Variants in FBXO3 observed in about 807,000 individuals in gnomAD.
The protein encoded by FBXO3 is F-box only protein 3.
Under a neutral mutation model 64.8 loss-of-function variants are expected in FBXO3, and 17 were observed. The observed-to-expected ratio is 0.26, with a 90% CI of 0.18 to 0.39. FBXO3 has a LOEUF of 0.39. Ranked by LOEUF, FBXO3 falls within the 10% of genes least tolerant of loss-of-function variation. FBXO3 has a pLI of 1.00. For synonymous variants in FBXO3, 182 were observed against 201.6 expected (o/e 0.90, Z 0.82); for missense variants, 420 against 589.9 (o/e 0.71, Z 2.98).
Position 33,767,224 on chromosome 11 carries a change from C to T in FBXO3, c.358+1627G>A, listed in dbSNP as rs142059943. On this transcript the variant is annotated intron_variant, in intron 3 of 10. Transcript: ENST00000265651. ...CCTTCAGCCAATGTTAAGATCATAG[C>T]CCTGGAGTCTGCTCTATATCCAAAT... 5.1e-3 allele frequency among the ~76,000 whole-genome samples: 772 copies of T among 152,304 alleles called. 4 individuals carry two copies. The highest frequency in any genetic ancestry group is 8.9e-3 in the Non-Finnish European group (607 of 68,018).
In FBXO3 at chr11:33,743,432, TGGGAGGG is replaced by T. The variant is rs2133589506; in HGVS notation, c.1240-1355_1240-1349del. 6.6e-6 allele frequency: 1 copy of T among 152,320 alleles called. No individual in the cohort carries two copies. Among genetic ancestry groups the T allele is most frequent in the African/African-American group, 2.4e-5 (1 of 41,578 alleles). 9.4% of individuals were successfully genotyped at this position (152,320 alleles called of 1,614,324 possible). ...CTCTCTCACACATTTGAAGACGCAATGGGAGGGGCTGCTACATTGAACAGAATTCTGA... is the reference window on the plus strand; with the variant it reads ...CTCTCTCACACATTTGAAGACGCAATGCTGCTACATTGAACAGAATTCTGA... On this transcript the variant is annotated intron_variant, in intron 10 of 10. Coordinates refer to ENST00000265651, the MANE Select transcript of FBXO3 (RefSeq NM_012175.4). This position sits in a 1 kb window ranked among gnomAD's most constrained non-coding sequence, Gnocchi z 4.6.
At chr11:33,756,422 CA>C (rs1367444023) in intron 4 of FBXO3, among the ~76,000 whole-genome samples, 4 of 152,118 alleles carry the variant, frequency 2.6e-5, no homozygotes, top group African/African-American at 4.8e-5. Context: ...TCCAAAGTTT[CA>C]AAAACTTGGA....
chr11:33,753,539 C>T (rs1397369093), intron 6 of FBXO3: 1 of 152,182 alleles, frequency 6.6e-6, no homozygotes, highest in African/African-American at 2.4e-5. Context: ...CCAGAGAGTG[C>T]TTAACTTAGA....
chr11:33,751,392 C>A, intron 7 of FBXO3, 131 bp downstream of exon 7: 1 of 610,284 alleles, frequency 1.6e-6, no homozygotes, highest in Non-Finnish European at 2.8e-6. Context: ...TGAAGACAAT[C>A]TTCTATTATC....
At chr11:33,774,062 G>T in intron 1 of FBXO3, 1 of 292,162 alleles carries the variant, frequency 3.4e-6, no homozygotes, top group Non-Finnish European at 6.6e-6. Context: ...GCGGGCACCT[G>T]CGGGGCCAGC....
Position 33,750,445 on chromosome 11 carries a change from T to C in FBXO3, c.932+94A>G, listed in dbSNP as rs185720233. Reference sequence around the variant, plus strand: ...AACTTCAGCAAGTTCTTTCAAAATGTGTCTTACATATCATGTCAAATGGGA... The same window carrying C: ...AACTTCAGCAAGTTCTTTCAAAATGCGTCTTACATATCATGTCAAATGGGA... On this transcript the variant is annotated intron_variant, in intron 8 of 10. Transcript: ENST00000265651. 26 of 1,404,876 alleles carry C rather than the reference T, an allele frequency of 1.9e-5. 1 individual carries two copies. The Admixed American group carries it at 4.1e-4, about 22-fold the overall frequency. The allele number at this position is 1,404,876 out of a possible 1,614,324, so 87.0% of individuals were successfully genotyped here.
At chr11:33,772,782 C>G (rs965372097) in intron 1 of FBXO3, 2 of 152,126 alleles carry the variant, frequency 1.3e-5, no homozygotes, top group African/African-American at 2.4e-5. Context: ...CAACACTTAA[C>G]AGACTGGCAC....
intron 8 of FBXO3, among the ~76,000 whole-genome samples, chr11:33,749,700 A>G (rs1459218438): frequency 6.6e-5 from 10 of 151,996 alleles, no homozygotes; most frequent in Admixed American, 3.3e-4. Context: ...CAATGCTATC[A>G]CTTTCCCCTT....
chr11:33,757,656 T>TAAAAAAAAAAAGA (rs1855137267), intron 4 of FBXO3, among the ~76,000 whole-genome samples: 1 of 23,980 alleles, frequency 4.2e-5, no homozygotes, highest in Non-Finnish European at 8.0e-5. Context: ...CACCATCTCT[T>TAAAAAAAAAAAGA]AAAAAAAAAA....
intron 6 of FBXO3, 162 bp downstream of exon 6, chr11:33,754,293 T>C (rs1333417403): frequency 3.7e-6 from 2 of 542,726 alleles, no homozygotes; most frequent in Non-Finnish European, 6.4e-6. Context: ...ACGGTTCTAA[T>C]GAAAACCTAG....
At chr11:33,763,700 C>A (rs898250739) in intron 3 of FBXO3, among the ~76,000 whole-genome samples, 2 of 150,772 alleles carry the variant, frequency 1.3e-5, no homozygotes, top group Admixed American at 1.3e-4. Context: ...TTTCCCTCTG[C>A]AATCAGAAAG....
chr11:33,772,070 C>A (rs1378478109), intron 1 of FBXO3: 1 of 152,190 alleles, frequency 6.6e-6, no homozygotes, highest in African/African-American at 2.4e-5. Context: ...TTATTCACTC[C>A]ATTTCAGAAT....
chr11:33,746,943 TAG>T, intron 10 of FBXO3, 185 bp downstream of exon 10: 1 of 1,447,554 alleles, frequency 6.9e-7, no homozygotes. Flanking sequence ...ATTCTCTGGT[TAG>T]AGACTATGGA....
chr11:33,765,177 T>C (rs1389132747), intron 3 of FBXO3, among the ~76,000 whole-genome samples: 1 of 152,174 alleles, frequency 6.6e-6, no homozygotes, highest in African/African-American at 2.4e-5. Flanking sequence ...CCAATGAAGA[T>C]GTTTTAGTTT....
intron 10 of FBXO3, chr11:33,745,492 T>C (rs1031375908): frequency 1.3e-5 from 2 of 152,114 alleles, no homozygotes; most frequent in Non-Finnish European, 2.9e-5. Flanking sequence ...GAGCAAATTC[T>C]CTAACCACAA....
rs1855078194 is a variant in FBXO3, at chr11:33,755,657, T to C, written c.678+114A>G. 3 of 776,240 alleles carry C rather than the reference T, an allele frequency of 3.9e-6. No homozygotes were observed. In the South Asian group the frequency reaches 4.7e-5, roughly 12 times the overall value. 48.1% of individuals were successfully genotyped at this position (776,240 alleles called of 1,614,324 possible). On this transcript the variant is annotated intron_variant, in intron 5 of 10. Coordinates refer to ENST00000265651, the MANE Select transcript of FBXO3 (RefSeq NM_012175.4). Reference sequence around the variant, plus strand: ...AACTCTAGTTAGAGAGGTCTATAACTAAAATGCATAATATTCTATACCCAT... The same window carrying C: ...AACTCTAGTTAGAGAGGTCTATAACCAAAATGCATAATATTCTATACCCAT...
chr11:33,773,081 G>A lies in FBXO3; in HGVS notation c.104+1313C>T, dbSNP rs548266645. On this transcript the variant is annotated intron_variant, in intron 1 of 10. Coordinates refer to ENST00000265651, the MANE Select transcript of FBXO3 (RefSeq NM_012175.4). Reference sequence around the variant, plus strand: ...TGGATGGTGCAAATGTGATAGTGGTGGAGAAATAAGTCCTGGAGGACCTTA... The same window carrying A: ...TGGATGGTGCAAATGTGATAGTGGTAGAGAAATAAGTCCTGGAGGACCTTA... 8.5e-5 allele frequency: 13 copies of A among 152,238 alleles called. No individual in the cohort carries two copies. The East Asian group carries it at 1.3e-3, about 16-fold the overall frequency. The allele number at this position is 152,238 out of a possible 1,614,324, so 9.4% of individuals were successfully genotyped here. A position where few individuals can be genotyped will look rare whatever the true frequency, so the allele number is the denominator to read the frequency against.
chr11:33,741,910 A>T lies in FBXO3; in HGVS notation c.1414T>A (p.Ter472LysextTer5), dbSNP rs1457960027. The T allele has an allele frequency of 2.5e-6, 4 of 1,603,832 alleles. No homozygotes were observed. Among genetic ancestry groups the T allele is most frequent in the Non-Finnish European group, 3.4e-6 (4 of 1,175,144 alleles). ...IRRRRCSRLF* is the reference protein window; with the variant it reads ...IRRRRCSRLFK ...TGCTTCCATCAGCAGAAGGCTTGCTAAAAAAGGCGTGAGCAGCGGCGTCTG... is the reference window on the plus strand; with the variant it reads ...TGCTTCCATCAGCAGAAGGCTTGCTTAAAAAGGCGTGAGCAGCGGCGTCTG... Residue 472 changes from the stop codon to lysine (K), a stop_lost, in exon 11 of 11, where the codon TAG (stop) becomes AAG (lysine). Transcript: ENST00000265651.
chr11:33,766,416 AT>A (rs1288225606), intron 3 of FBXO3, among the ~76,000 whole-genome samples: 3 of 152,222 alleles, frequency 2.0e-5, no homozygotes, highest in African/African-American at 4.8e-5. Flanking sequence ...ACACTCATTT[AT>A]TTATGCATCA....
Sources: gnomAD v4.1 joint callset for allele counts (sites outside exome capture counted in the v4.1 genomes callset) on GRCh38, gnomAD v4.1.1 for gene constraint, Gnocchi (gnomAD v3.1) non-coding constraint, MANE v1.5 for transcripts, NCBI Gene and HGNC (gene_info 2026-07-23, HGNC 2026-07-21) for gene names.